The following STRIP2 variants were observed in gnomAD, a reference collection of about 807,000 sequenced individuals.
STRIP2 encodes striatin-interacting protein 2.
STRIP2 carries 84 observed loss-of-function variants against 107.1 expected under a neutral mutation model. The ratio of observed to expected loss-of-function variants is 0.78; its 90% CI spans 0.66 to 0.94. The LOEUF (loss-of-function observed/expected upper bound fraction) is 0.94, where lower values mean the gene tolerates loss of function less well. Among genes scored for constraint, STRIP2 ranks in the 40% least tolerant of loss-of-function variants. The pLI, the probability that STRIP2 is intolerant of heterozygous loss-of-function variation, is 0.00. For synonymous variants in STRIP2, 394 were observed against 400.4 expected, an observed-to-expected ratio of 0.98 and a Z score of 0.19; for missense variants, 888 against 1,034.2, an observed-to-expected ratio of 0.86 and a Z score of 1.94.
chr7:129,483,203 G>C lies in STRIP2; in HGVS notation c.2254+157G>C. 4 of 1,428,542 alleles carry C rather than the reference G, an allele frequency of 2.8e-6. No individual in the cohort carries two copies. The highest frequency in any genetic ancestry group is 3.7e-6 in the Non-Finnish European group (4 of 1,092,940). 88.5% of individuals were successfully genotyped at this position (1,428,542 alleles called of 1,614,324 possible). On this transcript the variant is annotated intron_variant, in intron 20 of 20. Coordinates refer to ENST00000249344, the MANE Select transcript of STRIP2 (RefSeq NM_020704.3). This position sits in a 1 kb window ranked among gnomAD's most constrained non-coding sequence, Gnocchi z 5.1. ...AGGCGCTGATACACCAAACTTTAAG[G>C]TTATGCCTCAAATTCTAGTATGTAC... is the stretch of plus-strand genomic sequence containing the variant.
At chr7:129,439,962 T>C (rs1562893125) in intron 1 of STRIP2, 60 bp from the exon 2 acceptor site, 8 of 1,349,842 alleles carry the variant, frequency 5.9e-6, no homozygotes, top group Non-Finnish European at 7.4e-6. Flanking sequence ...GGTACAGTCT[T>C]CCCTTGGCAA....
chr7:129,458,202 C>G lies in STRIP2; in HGVS notation c.1039-13C>G, dbSNP rs1318857557. On this transcript the variant is annotated splice_polypyrimidine_tract_variant and intron_variant, in intron 9 of 20. Transcript: ENST00000249344. The surrounding 1 kb of genome is among the most constrained non-coding windows in gnomAD (Gnocchi z 4.6). The stretch of plus-strand genomic sequence containing the variant: ...GATCTCTGCATGCCTACCCTCCCTT[C>G]TTTCCCCTCCAGCAACTCCTCACTA... The G allele has an allele frequency of 6.2e-7, 1 of 1,610,010 alleles. No homozygotes were observed. Among genetic ancestry groups the G allele is most frequent in the South Asian group, 1.1e-5 (1 of 90,828 alleles).
In STRIP2 at chr7:129,454,517, C is replaced by A; in HGVS notation, c.696C>A (p.Arg232=). The A allele has an allele frequency of 6.2e-7, 1 of 1,611,044 alleles. No homozygotes were observed. The change falls in exon 7 of 21, where the codon CGC becomes CGA. Residue 232 remains arginine, a synonymous_variant. Transcript: ENST00000249344. ...CGWRTARETF[R]TELSFSMHNE... ...GGAGAACAGCCCGGGAGACCTTCCG[C>A]ACTGAATTAAGTAAGAAATGGCACT... is the stretch of plus-strand genomic sequence containing the variant.
Position 129,464,661 on chromosome 7 carries a change from AAGG to A in STRIP2, c.1702_1704del (p.Glu568del). On this transcript the variant is annotated inframe_deletion, in exon 16 of 21. Transcript: ENST00000249344. ...GCTGGGCATCGATGTGAACAGGCAC[AAGG>A]AGATTATTGTAAAGAGTATCTCTAC... 1.2e-6 allele frequency: 2 copies of A among 1,614,114 alleles called. No individual in the cohort carries two copies. The highest frequency in any genetic ancestry group is 1.7e-6 in the Non-Finnish European group (2 of 1,179,990).
intron 4 of STRIP2, 89 bp from the exon 5 acceptor site, chr7:129,453,138 A>G: frequency 1.9e-6 from 3 of 1,559,588 alleles, no homozygotes; most frequent in Non-Finnish European, 2.6e-6. Context: ...GCAGAGTATT[A>G]TAGGAAAATC....
chr7:129,435,733 A>G (rs1368681309), intron 1 of STRIP2, among the ~76,000 whole-genome samples: 1 of 152,226 alleles, frequency 6.6e-6, no homozygotes, highest in African/African-American at 2.4e-5. Context: ...GGCACAATGC[A>G]TGTAATTAGT....
chr7:129,448,165 G>A (rs887274727), intron 3 of STRIP2, among the ~76,000 whole-genome samples: 6 of 152,092 alleles, frequency 3.9e-5, no homozygotes, highest in African/African-American at 1.4e-4. Flanking sequence ...GGATGAGTCT[G>A]GGGGCCCACT....
intron 8 of STRIP2, among the ~76,000 whole-genome samples, chr7:129,456,162 T>C (rs1160619750): frequency 6.6e-6 from 1 of 150,860 alleles, no homozygotes; most frequent in African/African-American, 2.4e-5. Context: ...TTTTTTTTTT[T>C]TTTGAGGAGG....
chr7:129,455,159 G>A, intron 7 of STRIP2, 85 bp from the exon 8 acceptor site: 2 of 1,494,418 alleles, frequency 1.3e-6, no homozygotes, highest in Non-Finnish European at 1.8e-6. Context: ...GTGCCTTCCT[G>A]TGTGTGTCCA....
chr7:129,452,259 G>A (rs1201390186), intron 4 of STRIP2, among the ~76,000 whole-genome samples: 1 of 152,176 alleles, frequency 6.6e-6, no homozygotes, highest in Non-Finnish European at 1.5e-5. Context: ...GAGTAATTGG[G>A]GAAAGCTGCT....
Position 129,454,190 on chromosome 7 carries a change from A to G in STRIP2, c.579A>G (p.Ile193Met). ...SSALRKPAVS[I>M]ADSTELRVLL... is the part of the protein sequence containing the mutation. ...CCCTTCGGAAACCAGCTGTCTCCATAGCTGATAGCACAGAGCTCAGGTGAG... is the reference window on the plus strand; with the variant it reads ...CCCTTCGGAAACCAGCTGTCTCCATGGCTGATAGCACAGAGCTCAGGTGAG... The change falls in exon 6 of 21, where the codon ATA (isoleucine) becomes ATG (methionine). Residue 193 changes from isoleucine to methionine, a missense_variant. Coordinates refer to ENST00000249344, the MANE Select transcript of STRIP2 (RefSeq NM_020704.3). 1 of 1,614,132 alleles carries G rather than the reference A, an allele frequency of 6.2e-7. No homozygotes were observed. The highest frequency in any genetic ancestry group is 1.7e-4 in the Middle Eastern group (1 of 6,060).
intron 2 of STRIP2, 148 bp downstream of exon 2, chr7:129,440,239 T>C: frequency 1.5e-6 from 1 of 653,906 alleles, no homozygotes; most frequent in Non-Finnish European, 2.7e-6. Context: ...TCCATCCAAG[T>C]GGTAAATATC....
chr7:129,449,822 C>G (rs1406995952), intron 3 of STRIP2, among the ~76,000 whole-genome samples: 1 of 152,208 alleles, frequency 6.6e-6, no homozygotes, highest in African/African-American at 2.4e-5. Flanking sequence ...AAGACTCTCA[C>G]TCAGGGCAAT....
chr7:129,476,395 G>T (rs1267205731), intron 18 of STRIP2, among the ~76,000 whole-genome samples: 2 of 147,516 alleles, frequency 1.4e-5, no homozygotes, highest in African/African-American at 5.0e-5. Context: ...CGGCTGCCGG[G>T]CGGAGGGGCT....
intron 18 of STRIP2, among the ~76,000 whole-genome samples, chr7:129,477,567 C>T (rs1027775836): frequency 6.6e-6 from 1 of 152,100 alleles, no homozygotes; most frequent in Admixed American, 6.5e-5. Context: ...TAAAGTTTCC[C>T]AAACAATCTT....
At chr7:129,474,254 C>T (rs574678386) in intron 18 of STRIP2, among the ~76,000 whole-genome samples, 183 of 151,866 alleles carry the variant, frequency 1.2e-3, no homozygotes, top group Non-Finnish European at 1.6e-3. Context: ...GATCCTTCCA[C>T]CTCAGCCACC....
chr7:129,434,765 C>G (rs555849382), intron 1 of STRIP2, among the ~76,000 whole-genome samples, 164 bp downstream of exon 1: 21 of 152,374 alleles, frequency 1.4e-4, no homozygotes, highest in African/African-American at 4.8e-4. Context: ...GCTCTTTGGC[C>G]CGGACCAGTG....
intron 18 of STRIP2, among the ~76,000 whole-genome samples, chr7:129,475,492 T>A (rs1467979527): frequency 6.7e-6 from 1 of 148,892 alleles, no homozygotes; most frequent in South Asian, 2.1e-4. Flanking sequence ...CCTGGGGCCT[T>A]CCGCAGTGTT....
chr7:129,476,141 A>G (rs1156411221), intron 18 of STRIP2, among the ~76,000 whole-genome samples: 1 of 91,740 alleles, frequency 1.1e-5, no homozygotes, highest in Non-Finnish European at 2.4e-5. Context: ...AGGGGTGGCC[A>G]GGCAGAGGTG....
Sources: gnomAD v4.1 joint callset for allele counts (sites outside exome capture counted in the v4.1 genomes callset) on GRCh38, gnomAD v4.1.1 for gene constraint, Gnocchi (gnomAD v3.1) non-coding constraint, MANE v1.5 for transcripts, NCBI Gene and HGNC (gene_info 2026-07-23, HGNC 2026-07-21) for gene names.